The following ZBTB20 variants were observed in gnomAD, a reference collection of about 807,000 sequenced individuals.
ZBTB20 encodes the protein zinc finger and BTB domain-containing protein 20.
ZBTB20 carries 9 observed loss-of-function variants against 56.9 expected under a neutral mutation model. The observed-to-expected ratio is 0.16, with a 90% confidence interval of 0.10 to 0.28. ZBTB20 has a LOEUF of 0.28. Among genes scored for constraint, ZBTB20 ranks in the 10% least tolerant of loss-of-function variants. The pLI is 1.00. For synonymous variants in ZBTB20, 417 were observed against 420.7 expected (o/e 0.99, Z 0.11); for missense variants, 655 against 1,003.0 (o/e 0.65, Z 4.69).
chr3:115,055,740 T>A (rs1383099703), intron 2 of ZBTB20, among the ~76,000 whole-genome samples: 1 of 152,156 alleles, frequency 6.6e-6, no homozygotes, highest in Non-Finnish European at 1.5e-5. Flanking sequence ...TCATTATCAA[T>A]CTCAGAAGTT....
At chr3:114,659,690 C>T (rs532673043) in intron 6 of ZBTB20, among the ~76,000 whole-genome samples, 15 of 152,218 alleles carry the variant, frequency 9.9e-5, no homozygotes, top group East Asian at 3.9e-4. Flanking sequence ...TTTGAACTGG[C>T]GGTTTGAAAA....
intron 7 of ZBTB20, among the ~76,000 whole-genome samples, chr3:114,400,280 G>T (rs1156692759): frequency 6.6e-6 from 1 of 152,114 alleles, no homozygotes; most frequent in African/African-American, 2.4e-5. Flanking sequence ...ATACTTGTAA[G>T]CTGTAAAATC....
intron 6 of ZBTB20, among the ~76,000 whole-genome samples, chr3:114,648,196 TC>T (rs1355957982): frequency 6.6e-6 from 1 of 151,870 alleles, no homozygotes; most frequent in Admixed American, 6.6e-5. Context: ...TATTTATTAT[TC>T]ATTACTAGTA....
intron 7 of ZBTB20, among the ~76,000 whole-genome samples, chr3:114,430,338 G>T (rs1159723589): frequency 2.0e-5 from 3 of 152,176 alleles, no homozygotes; most frequent in African/African-American, 7.2e-5. Flanking sequence ...GGCACAGCAA[G>T]ATTGTGTTTT....
At chr3:115,025,503 G>C (rs2080386475) in intron 2 of ZBTB20, among the ~76,000 whole-genome samples, 1 of 150,588 alleles carries the variant, frequency 6.6e-6, no homozygotes, top group South Asian at 2.1e-4. Context: ...AGCAAGGAAT[G>C]GTTTTCTAGT....
intron 5 of ZBTB20, among the ~76,000 whole-genome samples, chr3:114,752,131 C>T (rs1428753471): frequency 6.6e-6 from 1 of 152,040 alleles, no homozygotes; most frequent in Non-Finnish European, 1.5e-5. Flanking sequence ...GAGGTAAGTA[C>T]CGTAAATCCA....
intron 7 of ZBTB20, among the ~76,000 whole-genome samples, chr3:114,401,270 T>C (rs951932238): frequency 1.3e-5 from 2 of 152,084 alleles, no homozygotes; most frequent in African/African-American, 4.8e-5. Context: ...CTGAGCTAGT[T>C]TAATAAACTG....
Position 114,350,227 on chromosome 3 carries a change from G to A in ZBTB20, c.1804+47C>T. ...TGCTCTCTTACCTTGCCTTCCCACAGCCCCCTCAGCCCCTGCTGCCAGGCC... is the reference window on the plus strand; with the variant it reads ...TGCTCTCTTACCTTGCCTTCCCACAACCCCCTCAGCCCCTGCTGCCAGGCC... On this transcript the variant is annotated intron_variant, in intron 11 of 11. Transcript: ENST00000675478. The A allele has an allele frequency of 1.3e-6, 2 of 1,545,524 alleles. 1 individual carries two copies. The highest frequency in any genetic ancestry group is 2.5e-5 in the South Asian group (2 of 80,008).
chr3:114,808,233 T>TA (rs2072260893), intron 4 of ZBTB20, among the ~76,000 whole-genome samples: 1 of 152,074 alleles, frequency 6.6e-6, no homozygotes, highest in African/African-American at 2.4e-5. Context: ...AGCTAATTGC[T>TA]AACAATTGTC....
intron 6 of ZBTB20, among the ~76,000 whole-genome samples, chr3:114,567,842 T>C (rs896494034): frequency 1.3e-5 from 2 of 152,192 alleles, no homozygotes; most frequent in African/African-American, 4.8e-5. Flanking sequence ...AACCAGACAC[T>C]TGAAATCAAA....
intron 6 of ZBTB20, among the ~76,000 whole-genome samples, chr3:114,652,713 T>C (rs775157314): frequency 6.6e-6 from 1 of 151,996 alleles, no homozygotes; most frequent in Non-Finnish European, 1.5e-5. Context: ...TATCTTAATG[T>C]TAGAAAAACA....
At chr3:114,844,429 G>A (rs1472682023) in intron 4 of ZBTB20, among the ~76,000 whole-genome samples, 3 of 121,200 alleles carry the variant, frequency 2.5e-5, no homozygotes, top group African/African-American at 6.6e-5. Context: ...GCTGAGGCAG[G>A]AGGATCACTT....
intron 6 of ZBTB20, among the ~76,000 whole-genome samples, chr3:114,532,353 G>A (rs191483271): frequency 6.6e-6 from 1 of 152,190 alleles, no homozygotes; most frequent in Non-Finnish European, 1.5e-5. Flanking sequence ...TCCCCTCACA[G>A]TGAAAACAAA....
rs1453272093 is a variant in ZBTB20, at chr3:114,536,100, C to T, written c.-294-35709G>A. On this transcript the variant is annotated intron_variant, in intron 6 of 11. Coordinates refer to ENST00000675478, the MANE Select transcript of ZBTB20 (RefSeq NM_001348800.3). ...TGAAAACTAGCACAAGACAAGGATG[C>T]CTTCTCTCACCACTCCTATTTAACA... 2.0e-5 allele frequency among the ~76,000 whole-genome samples: 3 copies of T among 152,262 alleles called. No individual in the cohort carries two copies. In the East Asian group the frequency reaches 5.8e-4, roughly 29 times the overall value.
rs2078932041 is a variant in ZBTB20, at chr3:114,322,560, T to G, written c.*16445A>C. ...AAGTTTTCCAAAGCCTCAAGAGAAG[T>G]ATCCTAGGACAGTTAATGTGAATAT... On this transcript the variant is annotated 3_prime_UTR_variant, in exon 12 of 12. Transcript: ENST00000675478. The G allele has an allele frequency of 6.6e-6, 1 of 152,222 alleles. No homozygotes were observed. The highest frequency in any genetic ancestry group is 2.1e-4 in the South Asian group (1 of 4,834). The allele number at this position is 152,222 out of a possible 1,614,324, so 9.4% of individuals were successfully genotyped here.
intron 4 of ZBTB20, among the ~76,000 whole-genome samples, chr3:114,859,003 T>C (rs574755370): frequency 6.6e-6 from 1 of 152,272 alleles, no homozygotes. Context: ...TGAGCTATCA[T>C]TATTAAAAAC....
intron 2 of ZBTB20, among the ~76,000 whole-genome samples, chr3:114,979,133 T>A (rs533895210): frequency 6.6e-6 from 1 of 152,150 alleles, no homozygotes; most frequent in East Asian, 1.9e-4. Flanking sequence ...AACCAAATTT[T>A]AACTGGTAAC....
At chr3:115,144,725 A>G (rs1027130366) in intron 1 of ZBTB20, 1 of 152,152 alleles carries the variant, frequency 6.6e-6, no homozygotes, top group African/African-American at 2.4e-5. Flanking sequence ...CTAGATGGGT[A>G]AGCATAAAGA....
chr3:114,481,065 T>G (rs561125845), intron 7 of ZBTB20, among the ~76,000 whole-genome samples: 6 of 152,214 alleles, frequency 3.9e-5, no homozygotes, highest in African/African-American at 1.2e-4. Context: ...TCTGACAGAT[T>G]GGAGTGTTAC....
Sources: allele counts gnomAD v4.1 joint callset (sites outside exome capture counted in the v4.1 genomes callset), GRCh38; gene constraint gnomAD v4.1.1; transcripts MANE v1.5; gene names NCBI Gene and HGNC (gene_info 2026-07-23, HGNC 2026-07-21).